TMX4: variants seen among roughly 807,000 people sequenced by gnomAD.
TMX4 encodes thioredoxin-related transmembrane protein 4.
TMX4 carries 23 observed loss-of-function variants against 33.3 expected under a neutral mutation model. The ratio of observed to expected loss-of-function variants is 0.69; its 90% CI spans 0.50 to 0.98. The LOEUF (loss-of-function observed/expected upper bound fraction) is 0.98, where lower values mean the gene tolerates loss of function less well. Ranked by LOEUF, TMX4 falls within the 50% of genes least tolerant of loss-of-function variation. The pLI is 0.00. For missense variants in TMX4, 399 were observed against 448.9 expected (o/e 0.89, Z 1.01); for synonymous variants, 164 against 161.5 (o/e 1.02, Z -0.12).
intron 2 of TMX4, among the ~76,000 whole-genome samples, chr20:8,005,703 A>G (rs1328949360): frequency 6.6e-6 from 1 of 152,268 alleles, no homozygotes; most frequent in South Asian, 2.1e-4. Flanking sequence ...CAGCGGCTGG[A>G]CATCGAGAGG....
intron 2 of TMX4, among the ~76,000 whole-genome samples, chr20:8,005,145 C>T (rs547299194): frequency 7.6e-4 from 116 of 152,298 alleles, no homozygotes; most frequent in African/African-American, 2.8e-3. Context: ...ACAATGCTTA[C>T]ACTTGGCTGT....
intron 1 of TMX4, chr20:8,018,909 C>A: frequency 2.5e-6 from 1 of 393,326 alleles, no homozygotes; most frequent in Non-Finnish European, 5.0e-6. Flanking sequence ...AAACGGAAGA[C>A]TACGACACAA....
chr20:8,005,719 G>A (rs567957732), intron 2 of TMX4, among the ~76,000 whole-genome samples: 1 of 152,220 alleles, frequency 6.6e-6, no homozygotes, highest in African/African-American at 2.4e-5. Context: ...AGAGGACATT[G>A]AGAGGAGCAC....
chr20:8,002,027 A>C lies in TMX4; in HGVS notation c.293-486T>G, dbSNP rs142779300. Among the ~76,000 whole-genome samples, 167 of 152,330 alleles carry C rather than the reference A, an allele frequency of 1.1e-3. 2 individuals carry two copies. The highest frequency in any genetic ancestry group is 3.9e-3 in the African/African-American group (162 of 41,574). ...TTACATCAGTTATCAGTTTAAAAAG[A>C]ATAAGTAATATGAAATGATTAAGAT... On this transcript the variant is annotated intron_variant, in intron 2 of 7. Coordinates refer to ENST00000246024, the MANE Select transcript of TMX4 (RefSeq NM_021156.4).
intron 1 of TMX4, among the ~76,000 whole-genome samples, chr20:8,014,134 T>A (rs985340143): frequency 6.6e-6 from 1 of 152,220 alleles, no homozygotes; most frequent in Non-Finnish European, 1.5e-5. Flanking sequence ...GAACGTGTTA[T>A]CACAAAAGGT....
chr20:7,984,732 C>G (rs1445860714), intron 6 of TMX4, among the ~76,000 whole-genome samples: 4 of 151,940 alleles, frequency 2.6e-5, no homozygotes, highest in Non-Finnish European at 4.4e-5. Context: ...GTGTAATTAC[C>G]ATATCCATCA....
intron 2 of TMX4, among the ~76,000 whole-genome samples, chr20:8,002,304 G>T (rs969459457): frequency 1.3e-5 from 2 of 152,070 alleles, no homozygotes; most frequent in South Asian, 2.1e-4. Flanking sequence ...ATAAAAACAT[G>T]TACAACCTTT....
rs1391823234 is a variant in TMX4, at chr20:7,978,202, A to G, written c.*4049T>C. ...ACACTGTAACACCAAGATGAGGGAC[A>G]CAGATAACCTATTGATACGAGCAAC... On this transcript the variant is annotated 3_prime_UTR_variant, in exon 8 of 8. Coordinates refer to ENST00000246024, the MANE Select transcript of TMX4 (RefSeq NM_021156.4). 1 of 152,238 alleles carries G rather than the reference A, an allele frequency of 6.6e-6. No homozygotes were observed. The highest frequency in any genetic ancestry group is 1.5e-5 in the Non-Finnish European group (1 of 68,032). The allele number at this position is 152,238 out of a possible 1,614,324, so 9.4% of individuals were successfully genotyped here. A position where few individuals can be genotyped will look rare whatever the true frequency, so the allele number is the denominator to read the frequency against.
At chr20:8,001,914 T>C (rs1289062809) in intron 2 of TMX4, among the ~76,000 whole-genome samples, 7 of 152,200 alleles carry the variant, frequency 4.6e-5, no homozygotes, top group Non-Finnish European at 7.3e-5. Context: ...CCTAACTTAA[T>C]GGTTCTAAAG....
chr20:7,989,260 G>A (rs1490116685), intron 5 of TMX4, among the ~76,000 whole-genome samples: 1 of 152,004 alleles, frequency 6.6e-6, no homozygotes, highest in Non-Finnish European at 1.5e-5. Flanking sequence ...AAGTCAATCT[G>A]CCTCTGTGTC....
At chr20:7,994,935 T>C (rs1293279409) in intron 5 of TMX4, among the ~76,000 whole-genome samples, 1 of 152,196 alleles carries the variant, frequency 6.6e-6, no homozygotes, top group Non-Finnish European at 1.5e-5. Context: ...GGGGGAAATA[T>C]TAGTTATTGT....
intron 7 of TMX4, among the ~76,000 whole-genome samples, chr20:7,982,846 A>G (rs1348417643): frequency 6.6e-6 from 1 of 152,192 alleles, no homozygotes; most frequent in Non-Finnish European, 1.5e-5. Context: ...TCAGCAGGGC[A>G]TGTGGGCAGC....
chr20:7,985,108 T>C (rs894661950), intron 6 of TMX4, among the ~76,000 whole-genome samples: 1 of 152,082 alleles, frequency 6.6e-6, no homozygotes, highest in African/African-American at 2.4e-5. Flanking sequence ...TTTCAAATTG[T>C]GTAACTCTCA....
chr20:8,003,643 G>A (rs185780841), intron 2 of TMX4, among the ~76,000 whole-genome samples: 1 of 152,216 alleles, frequency 6.6e-6, no homozygotes, highest in Admixed American at 6.5e-5. Flanking sequence ...ATGAAAATCA[G>A]TGAGTACCAA....
intron 1 of TMX4, among the ~76,000 whole-genome samples, chr20:8,018,516 G>GTCTC (rs1568541316): frequency 0.033 from 1,492 of 45,448 alleles, 373 homozygotes; most frequent in African/African-American, 0.27. Context: ...GAGAGAGAGA[G>GTCTC]AGAGAGAGAG....
At chr20:8,012,472 G>A (rs2050756868) in intron 1 of TMX4, among the ~76,000 whole-genome samples, 2 of 152,066 alleles carry the variant, frequency 1.3e-5, no homozygotes, top group Non-Finnish European at 2.9e-5. Context: ...ATGTGCTTAA[G>A]ACCACTCAGA....
intron 2 of TMX4, among the ~76,000 whole-genome samples, chr20:8,008,072 G>A (rs1356856604): frequency 1.3e-5 from 2 of 151,990 alleles, no homozygotes; most frequent in Non-Finnish European, 2.9e-5. Flanking sequence ...ACTTCTAATC[G>A]CTATTAAAAG....
intron 2 of TMX4, among the ~76,000 whole-genome samples, chr20:8,008,849 C>T (rs1224739158): frequency 6.6e-6 from 1 of 152,158 alleles, no homozygotes; most frequent in African/African-American, 2.4e-5. Flanking sequence ...TATTGTCCAT[C>T]TCTAGATGGA....
In TMX4 at chr20:8,019,758, G is replaced by A; in HGVS notation, c.-145C>T. ...ACGCCTAGCGGCGCAGACTGGCGGTGCTCGCAATGCCGCGGAGGACGCCAC... is the reference window on the plus strand; with the variant it reads ...ACGCCTAGCGGCGCAGACTGGCGGTACTCGCAATGCCGCGGAGGACGCCAC... On this transcript the variant is annotated 5_prime_UTR_variant, in exon 1 of 8. Transcript: ENST00000246024. The A allele has an allele frequency of 1.5e-6, 1 of 648,272 alleles. No individual in the cohort carries two copies. Among genetic ancestry groups the A allele is most frequent in the South Asian group, 5.6e-5 (1 of 17,996 alleles). The allele number at this position is 648,272 out of a possible 1,614,324, so 40.2% of individuals were successfully genotyped here. A position where few individuals can be genotyped will look rare whatever the true frequency, so the allele number is the denominator to read the frequency against.
Sources: gnomAD v4.1 joint callset for allele counts (sites outside exome capture counted in the v4.1 genomes callset) on GRCh38, gnomAD v4.1.1 for gene constraint, MANE v1.5 for transcripts, NCBI Gene and HGNC (gene_info 2026-07-23, HGNC 2026-07-21) for gene names.